IP6K1: variants seen among roughly 807,000 people sequenced by gnomAD.
IP6K1 encodes the protein ATP:1D-myo-inositol-hexakisphosphate phosphotransferase.
Under a neutral mutation model 38.3 loss-of-function variants are expected in IP6K1, and 13 were observed. That is an observed-to-expected ratio of 0.34 (90% CI 0.22 to 0.54). The LOEUF is 0.54. Among genes scored for constraint, IP6K1 ranks in the 20% least tolerant of loss-of-function variants. The probability of loss-of-function intolerance (pLI) is 0.92; values close to 1 mark genes in which losing one functional copy is unlikely to be tolerated. For synonymous variants in IP6K1, 212 were observed against 229.9 expected (o/e 0.92, Z 0.70); for missense variants, 397 against 599.8 (o/e 0.66, Z 3.53).
intron 1 of IP6K1, among the ~76,000 whole-genome samples, chr3:49,756,842 GA>G (rs1274596525): frequency 7.6e-6 from 1 of 131,586 alleles, no homozygotes; most frequent in Non-Finnish European, 1.7e-5. Context: ...AAAAAAAAAA[GA>G]AAAAAGAAAG....
chr3:49,758,728 GA>G (rs1318782316), intron 1 of IP6K1: 1 of 152,208 alleles, frequency 6.6e-6, no homozygotes. Context: ...TTTGGGAGGT[GA>G]GGCAGGCAGA....
intron 4 of IP6K1, among the ~76,000 whole-genome samples, chr3:49,730,787 G>C (rs937428105): frequency 6.6e-6 from 1 of 152,096 alleles, no homozygotes; most frequent in Non-Finnish European, 1.5e-5. Context: ...CGCAATCTTG[G>C]CTCATCGCAA....
At chr3:49,755,404 C>T (rs1264163667) in intron 1 of IP6K1, among the ~76,000 whole-genome samples, 1 of 152,076 alleles carries the variant, frequency 6.6e-6, no homozygotes. Flanking sequence ...CTATAGGTAC[C>T]ATGACAAAGT....
intron 1 of IP6K1, among the ~76,000 whole-genome samples, chr3:49,775,898 A>G (rs1399585046): frequency 6.6e-6 from 1 of 151,738 alleles, no homozygotes; most frequent in Admixed American, 6.6e-5. Context: ...CTCCATATTG[A>G]TATGTTCTCC....
At chr3:49,764,521 G>A (rs1440737520) in intron 1 of IP6K1, among the ~76,000 whole-genome samples, 1 of 152,128 alleles carries the variant, frequency 6.6e-6, no homozygotes, top group African/African-American at 2.4e-5. Flanking sequence ...CAGGTTTTTT[G>A]ACTGTGTGGG....
intron 1 of IP6K1, among the ~76,000 whole-genome samples, chr3:49,775,133 T>A (rs1184700338): frequency 6.6e-6 from 1 of 152,182 alleles, no homozygotes; most frequent in East Asian, 1.9e-4. Context: ...AGCCTTCTTG[T>A]GTTTAAAAAC....
At chr3:49,751,037 T>C (rs977683266) in intron 1 of IP6K1, among the ~76,000 whole-genome samples, 11 of 152,298 alleles carry the variant, frequency 7.2e-5, no homozygotes, top group African/African-American at 2.6e-4. Flanking sequence ...GTCACTTAAC[T>C]TCTCCAAGTC....
intron 1 of IP6K1, among the ~76,000 whole-genome samples, chr3:49,776,034 T>C (rs1031750095): frequency 2.6e-5 from 4 of 151,476 alleles, no homozygotes; most frequent in African/African-American, 9.7e-5. Flanking sequence ...GAAGAACCTT[T>C]GGTGTATGGT....
In IP6K1 at chr3:49,763,120, T is replaced by A. The variant is rs182118889; in HGVS notation, c.-128-14952A>T. 1.7e-3 allele frequency among the ~76,000 whole-genome samples: 251 copies of A among 148,988 alleles called. 7 individuals carry two copies. In the East Asian group the frequency reaches 0.041, roughly 25 times the overall value. On this transcript the variant is annotated intron_variant, in intron 1 of 5. Transcript: ENST00000321599. ...CAATTATTTCTTTTTTTTTTTTTTT[T>A]TGAGACGGAGTCTCGCTCTGTCACC...
chr3:49,738,481 C>T, intron 2 of IP6K1, 59 bp from the exon 3 acceptor site: 2 of 1,347,958 alleles, frequency 1.5e-6, no homozygotes, highest in Admixed American at 1.7e-5. Context: ...CTATGCAGCA[C>T]AGACTGTTGG....
Position 49,738,411 on chromosome 3 carries a change from C to T in IP6K1, c.235G>A (p.Val79Ile). Residue 79 changes from valine (V) to isoleucine (I), a missense_variant, in exon 3 of 6, where the codon GTC becomes ATC. This residue lies in a region of IP6K1 where 171 missense variants were observed against 237.0 expected (regional missense o/e 0.72). Transcript: ENST00000321599. ...FTPEYKGVVS[V>I]CFEGDSDGYI... Reference sequence around the variant, plus strand: ...CCATCACTGTCCCCCTCAAAACAGACAGATACCACGCCTGTTAAAAAAAGG... The same window carrying T: ...CCATCACTGTCCCCCTCAAAACAGATAGATACCACGCCTGTTAAAAAAAGG... 2 of 1,613,952 alleles carry T rather than the reference C, an allele frequency of 1.2e-6. No individual in the cohort carries two copies. The highest frequency in any genetic ancestry group is 1.7e-6 in the Non-Finnish European group (2 of 1,179,830).
intron 3 of IP6K1, among the ~76,000 whole-genome samples, chr3:49,733,273 C>A (rs1212460056): frequency 6.6e-6 from 1 of 152,130 alleles, no homozygotes; most frequent in Non-Finnish European, 1.5e-5. Context: ...GAAAGTGGAG[C>A]AAGTGTCCAG....
At chr3:49,775,067 C>G (rs566840456) in intron 1 of IP6K1, among the ~76,000 whole-genome samples, 5 of 152,022 alleles carry the variant, frequency 3.3e-5, no homozygotes, top group African/African-American at 1.2e-4. Flanking sequence ...TAGTTAACAG[C>G]ATTATAACTC....
At chr3:49,753,828 A>G (rs1218986884) in intron 1 of IP6K1, among the ~76,000 whole-genome samples, 1 of 152,170 alleles carries the variant, frequency 6.6e-6, no homozygotes, top group East Asian at 1.9e-4. Context: ...ACAGAATTCG[A>G]AGTCAGCAAA....
At chr3:49,775,951 T>C (rs1369940376) in intron 1 of IP6K1, among the ~76,000 whole-genome samples, 2 of 151,420 alleles carry the variant, frequency 1.3e-5, no homozygotes, top group African/African-American at 4.8e-5. Flanking sequence ...AGTCTTCTGC[T>C]TGAGGAGTTG....
intron 1 of IP6K1, chr3:49,775,286 T>C (rs1559715784): frequency 4.3e-6 from 1 of 235,214 alleles, no homozygotes; most frequent in South Asian, 7.9e-5. Flanking sequence ...TTGGGAACTA[T>C]GGCTAAACAT....
intron 2 of IP6K1, among the ~76,000 whole-genome samples, chr3:49,744,453 G>C (rs1272775953): frequency 6.8e-6 from 1 of 147,734 alleles, no homozygotes; most frequent in South Asian, 2.2e-4. Flanking sequence ...ATAAGGAAGA[G>C]TTGTCCCTTC....
At chr3:49,781,275 C>T in intron 1 of IP6K1, among the ~76,000 whole-genome samples, 1 of 152,178 alleles carries the variant, frequency 6.6e-6, no homozygotes, top group Admixed American at 6.5e-5. Flanking sequence ...GTTGGCTAGG[C>T]TGGTCTCGAA....
At chr3:49,781,235 G>T (rs1420538938) in intron 1 of IP6K1, among the ~76,000 whole-genome samples, 1 of 152,016 alleles carries the variant, frequency 6.6e-6, no homozygotes, top group Admixed American at 6.6e-5. Flanking sequence ...CTAATTTTTT[G>T]TATTTTTAGT....
Sources: gnomAD v4.1 joint callset for allele counts (sites outside exome capture counted in the v4.1 genomes callset) on GRCh38, gnomAD v4.1.1 for gene constraint, gnomAD v4.1.1 regional missense constraint, MANE v1.5 for transcripts, NCBI Gene and HGNC (gene_info 2026-07-23, HGNC 2026-07-21) for gene names.